ERC2: variants seen among roughly 807,000 people sequenced by gnomAD.
The protein encoded by ERC2 is ERC protein 2.
ERC2 carries 42 observed loss-of-function variants against 114.8 expected under a neutral mutation model. The observed-to-expected ratio is 0.37, with a 90% CI of 0.29 to 0.47. The LOEUF is 0.47. Among genes scored for constraint, ERC2 ranks in the 20% least tolerant of loss-of-function variants. ERC2 has a pLI of 0.99. For synonymous variants in ERC2, 454 were observed against 425.5 expected, an observed-to-expected ratio of 1.07 and a Z score of -0.82; for missense variants, 939 against 1,150.7, an observed-to-expected ratio of 0.82 and a Z score of 2.66.
At chr3:56,113,974 G>A (rs976126873) in intron 6 of ERC2, among the ~76,000 whole-genome samples, 2 of 152,184 alleles carry the variant, frequency 1.3e-5, no homozygotes, top group African/African-American at 4.8e-5. Flanking sequence ...CTTGTAGAGA[G>A]TTGCAGCCTG....
chr3:56,204,434 TCTC>T (rs2048586307), intron 3 of ERC2, among the ~76,000 whole-genome samples: 1 of 151,968 alleles, frequency 6.6e-6, no homozygotes, highest in Non-Finnish European at 1.5e-5. Flanking sequence ...TGTAATTAGT[TCTC>T]CTAAAGTTTT....
At chr3:55,613,918 G>C (rs899690266) in intron 17 of ERC2, among the ~76,000 whole-genome samples, 1 of 147,026 alleles carries the variant, frequency 6.8e-6, no homozygotes, top group African/African-American at 2.5e-5. Flanking sequence ...AGGAGGCAGA[G>C]GTTGCAGTAA....
At chr3:55,770,154 G>A (rs1448585539) in intron 14 of ERC2, among the ~76,000 whole-genome samples, 1 of 152,116 alleles carries the variant, frequency 6.6e-6, no homozygotes, top group Non-Finnish European at 1.5e-5. Flanking sequence ...CCCAAACAGA[G>A]GCTGCTACCT....
chr3:55,776,216 A>C (rs1256648031), intron 14 of ERC2, among the ~76,000 whole-genome samples: 2 of 152,124 alleles, frequency 1.3e-5, no homozygotes, highest in African/African-American at 4.8e-5. Context: ...CACACAAGCC[A>C]CACGGGGCCT....
intron 13 of ERC2, among the ~76,000 whole-genome samples, chr3:55,923,800 T>C (rs574717321): frequency 6.6e-6 from 1 of 152,238 alleles, no homozygotes; most frequent in South Asian, 2.1e-4. Context: ...TCATTTCTTC[T>C]GTGCACCAGC....
chr3:56,429,070 G>C (rs2061686990), intron 2 of ERC2, among the ~76,000 whole-genome samples: 1 of 152,198 alleles, frequency 6.6e-6, no homozygotes. Context: ...AATATGAAAA[G>C]TCAGTAACTC....
intron 3 of ERC2, among the ~76,000 whole-genome samples, chr3:56,236,041 A>C (rs2150189503): frequency 6.6e-6 from 1 of 152,332 alleles, no homozygotes. Context: ...GAAAGGTGGG[A>C]TCTGAAAGAT....
At chr3:56,081,824 T>A (rs1462780510) in intron 6 of ERC2, among the ~76,000 whole-genome samples, 1 of 152,264 alleles carries the variant, frequency 6.6e-6, no homozygotes, top group Admixed American at 6.5e-5. Context: ...ACCATCAGAA[T>A]ACCATTTTGA....
At chr3:55,973,170 C>T (rs2069307101) in intron 12 of ERC2, among the ~76,000 whole-genome samples, 1 of 152,152 alleles carries the variant, frequency 6.6e-6, no homozygotes, top group African/African-American at 2.4e-5. Flanking sequence ...GAGACTGGGA[C>T]AGATTGTGAC....
At chr3:55,564,324 T>C (rs2056227151) in intron 17 of ERC2, among the ~76,000 whole-genome samples, 2 of 152,250 alleles carry the variant, frequency 1.3e-5, no homozygotes, top group Admixed American at 1.3e-4. Flanking sequence ...TTTCATACCG[T>C]GGAAAATTAT....
intron 2 of ERC2, among the ~76,000 whole-genome samples, chr3:56,350,373 A>G (rs2058504988): frequency 6.6e-6 from 1 of 152,244 alleles, no homozygotes; most frequent in African/African-American, 2.4e-5. Flanking sequence ...CGGTTGGCAT[A>G]TGAGCCTTAT....
intron 15 of ERC2, among the ~76,000 whole-genome samples, chr3:55,727,728 T>C (rs2065007575): frequency 6.6e-6 from 1 of 152,188 alleles, no homozygotes; most frequent in Admixed American, 6.5e-5. Context: ...ATTCCCTTCA[T>C]AACAGCAAGC....
chr3:55,782,496 A>G (rs2069137642), intron 14 of ERC2, among the ~76,000 whole-genome samples: 1 of 152,140 alleles, frequency 6.6e-6, no homozygotes, highest in African/African-American at 2.4e-5. Flanking sequence ...CCATCACCTT[A>G]TATGTTACAA....
At chr3:55,709,253 A>G (rs1373571058) in intron 15 of ERC2, among the ~76,000 whole-genome samples, 1 of 151,832 alleles carries the variant, frequency 6.6e-6, no homozygotes, top group Non-Finnish European at 1.5e-5. Flanking sequence ...AGAGGCCGTG[A>G]GAGTCTTAAA....
At chr3:56,438,510 C>G (rs1226408102) in intron 1 of ERC2, among the ~76,000 whole-genome samples, 1 of 152,144 alleles carries the variant, frequency 6.6e-6, no homozygotes, top group East Asian at 1.9e-4. Context: ...GCAGCAGGAC[C>G]TGGACTGAAC....
chr3:56,111,698 G>A (rs185438978), intron 6 of ERC2, among the ~76,000 whole-genome samples: 261 of 152,246 alleles, frequency 1.7e-3, no homozygotes, highest in African/African-American at 6.1e-3. Flanking sequence ...TCAATACAAA[G>A]CTGGTTTTAC....
intron 6 of ERC2, among the ~76,000 whole-genome samples, chr3:56,102,512 A>G (rs574359654): frequency 2.6e-5 from 4 of 152,290 alleles, no homozygotes; most frequent in Admixed American, 6.5e-5. Context: ...AAACTCTACT[A>G]AACACAGCAG....
intron 6 of ERC2, among the ~76,000 whole-genome samples, chr3:56,086,291 G>A (rs916911944): frequency 6.6e-6 from 1 of 152,080 alleles, no homozygotes; most frequent in Non-Finnish European, 1.5e-5. Flanking sequence ...AGCGAGGATG[G>A]TTGTGATCAG....
chr3:56,043,723 ATAAG>A (rs1008414014), intron 7 of ERC2, among the ~76,000 whole-genome samples: 4 of 152,154 alleles, frequency 2.6e-5, no homozygotes, highest in African/African-American at 9.7e-5. Flanking sequence ...TTCTAAACTT[ATAAG>A]TTAGTTGACA....
Sources: allele counts gnomAD v4.1 joint callset (sites outside exome capture counted in the v4.1 genomes callset), GRCh38; gene constraint gnomAD v4.1.1; transcripts MANE v1.5; gene names NCBI Gene and HGNC (gene_info 2026-07-23, HGNC 2026-07-21).